The following ZSWIM3 variants were observed in gnomAD, a reference collection of about 807,000 sequenced individuals.
The protein encoded by ZSWIM3 is zinc finger SWIM domain-containing protein 3.
In ZSWIM3, 27 loss-of-function variants were observed where a neutral mutation model predicts 47.5. The ratio of observed to expected loss-of-function variants is 0.57; its 90% CI spans 0.42 to 0.78. The LOEUF (loss-of-function observed/expected upper bound fraction) is 0.78. ZSWIM3 is among the 30% of genes least tolerant of loss of function. The pLI is 0.00. For synonymous variants in ZSWIM3, 333 were observed against 333.9 expected, an observed-to-expected ratio of 1.00 and a Z score of 0.03; for missense variants, 689 against 861.3, an observed-to-expected ratio of 0.80 and a Z score of 2.50.
chr20:45,862,785 C>T (rs1005130580), intron 1 of ZSWIM3, among the ~76,000 whole-genome samples: 4 of 152,142 alleles, frequency 2.6e-5, no homozygotes, highest in African/African-American at 9.6e-5. Context: ...AGGTGCCACG[C>T]CCAGCCTATG....
chr20:45,878,690 TG>T lies in ZSWIM3; in HGVS notation c.*43del, dbSNP rs755702944. The stretch of plus-strand genomic sequence containing the variant: ...GCATTGGACCACAAACACTTCTCCT[TG>T]GAAGTGTGAGAGTTTAAAGTGGGCA... On this transcript the variant is annotated 3_prime_UTR_variant, in exon 2 of 2. Coordinates refer to ENST00000255152, the MANE Select transcript of ZSWIM3 (RefSeq NM_080752.4). 5 of 1,563,864 alleles carry T rather than the reference TG, an allele frequency of 3.2e-6. No individual in the cohort carries two copies. The South Asian group carries it at 4.8e-5, about 15-fold the overall frequency.
At chr20:45,858,013 G>T in intron 1 of ZSWIM3, 33 bp downstream of exon 1, 2 of 1,524,336 alleles carry the variant, frequency 1.3e-6, no homozygotes, top group South Asian at 1.2e-5. Flanking sequence ...GGGCCAAGAG[G>T]GTGGGGAGGA....
At chr20:45,860,742 G>A (rs752918496) in intron 1 of ZSWIM3, among the ~76,000 whole-genome samples, 9 of 152,206 alleles carry the variant, frequency 5.9e-5, no homozygotes, top group Non-Finnish European at 8.8e-5. Context: ...GGCCCACCCA[G>A]ATAATCCCAG....
At position 45,877,496 on chromosome 20, in the gene ZSWIM3, T is replaced by A; in HGVS notation, c.938T>A (p.Leu313His). ...CTTTCCATCTACCACACAACCCGAC[T>A]CTTGGAGAAGAAGTTGCATCGTAGT... The part of the protein sequence containing the change: ...ILLSIYHTTR[L>H]LEKKLHRSSA... The change falls in exon 2 of 2, where the codon CTC becomes CAC. Residue 313 changes from leucine to histidine, a missense_variant. Leu to His is a moderately conservative substitution (Grantham distance 99, BLOSUM62 -3). Coordinates refer to ENST00000255152, the MANE Select transcript of ZSWIM3 (RefSeq NM_080752.4). 6.2e-7 allele frequency: 1 copy of A among 1,614,142 alleles called. No individual in the cohort carries two copies. Among genetic ancestry groups the A allele is most frequent in the African/African-American group, 1.3e-5 (1 of 75,026 alleles).
At chr20:45,873,200 A>C (rs1340011052) in intron 1 of ZSWIM3, among the ~76,000 whole-genome samples, 1 of 152,108 alleles carries the variant, frequency 6.6e-6, no homozygotes, top group African/African-American at 2.4e-5. Context: ...TCAGGAGTTC[A>C]AGACCAGCCT....
At chr20:45,866,901 G>A (rs1985856601) in intron 1 of ZSWIM3, among the ~76,000 whole-genome samples, 1 of 151,938 alleles carries the variant, frequency 6.6e-6, no homozygotes, top group African/African-American at 2.4e-5. Context: ...GTAGTAGAAA[G>A]TGGTAGTTAT....
At chr20:45,861,426 TAAA>T (rs11475720) in intron 1 of ZSWIM3, among the ~76,000 whole-genome samples, 44 of 134,716 alleles carry the variant, frequency 3.3e-4, no homozygotes, top group Admixed American at 4.4e-4. Flanking sequence ...ATCCTGTCTC[TAAA>T]AAAAAAAAAA....
rs574631379 is a variant in ZSWIM3 at position 45,858,154 on chromosome 20, G to A, written c.155+174G>A. On this transcript the variant is annotated intron_variant, in intron 1 of 1. Transcript: ENST00000255152. The stretch of plus-strand genomic sequence containing the variant: ...CTTGTGAAGAGAGCTAAGCCTCCAC[G>A]GCCATTGGTTTTTGACCACCCACTC... Among the ~76,000 whole-genome samples, 11 of 152,280 alleles carry A rather than the reference G, an allele frequency of 7.2e-5. No individual in the cohort carries two copies. In the East Asian group the frequency reaches 1.9e-3, roughly 27 times the overall value.
chr20:45,862,348 A>T (rs1416638591), intron 1 of ZSWIM3, among the ~76,000 whole-genome samples: 1 of 151,396 alleles, frequency 6.6e-6, no homozygotes, highest in Non-Finnish European at 1.5e-5. Context: ...GGGTTTCACC[A>T]TGTTTGCGAG....
rs1433466092 is a variant in ZSWIM3, at chr20:45,877,161, C to G, written c.603C>G (p.Asp201Glu). 1 of 1,614,002 alleles carries G rather than the reference C, an allele frequency of 6.2e-7. No homozygotes were observed. Among genetic ancestry groups the G allele is most frequent in the Non-Finnish European group, 8.5e-7 (1 of 1,180,038 alleles). ...GTGTGGGTGACAGCCAGCACCTGGACCGGCTCAGCTTCCAGAGCAGTAAGA... is the reference window on the plus strand; with the variant it reads ...GTGTGGGTGACAGCCAGCACCTGGAGCGGCTCAGCTTCCAGAGCAGTAAGA... ...SFSVGDSQHL[D>E]RLSFQSSKMT... The change falls in exon 2 of 2, where the codon GAC (aspartate) becomes GAG (glutamate). Residue 201 changes from aspartate (D) to glutamate (E), a missense_variant. Coordinates refer to ENST00000255152, the MANE Select transcript of ZSWIM3 (RefSeq NM_080752.4).
At position 45,877,102 on chromosome 20, in the gene ZSWIM3, C is replaced by G; in HGVS notation, c.544C>G (p.Leu182Val). The G allele has an allele frequency of 6.2e-7, 1 of 1,614,218 alleles. No homozygotes were observed. Among genetic ancestry groups the G allele is most frequent in the Non-Finnish European group, 8.5e-7 (1 of 1,180,050 alleles). Residue 182 changes from leucine to valine, a missense_variant, in exon 2 of 2, where the codon CTT (leucine) becomes GTT (valine). Transcript: ENST00000255152. ...GATAGCAAAAGTGATGAAGAACTTT[C>G]TTAAGGTAGATGAGGGTTCCATGGC... ...AKIAKVMKNF[L>V]KVDEGSMASF... is the part of the protein sequence containing the mutation.
chr20:45,877,389 C>T lies in ZSWIM3; in HGVS notation c.831C>T (p.Pro277=). 2 of 1,614,156 alleles carry T rather than the reference C, an allele frequency of 1.2e-6. No homozygotes were observed. Among genetic ancestry groups the T allele is most frequent in the Non-Finnish European group, 1.7e-6 (2 of 1,180,034 alleles). Residue 277 remains proline (P), a synonymous_variant, in exon 2 of 2, where the codon CCC becomes CCT. Transcript: ENST00000255152. ...SIFTEFNSDW[P]KVKVVFVDPS... ...TCACAGAGTTCAACTCCGATTGGCC[C>T]AAGGTCAAGGTGGTCTTTGTGGACC...
Position 45,863,197 on chromosome 20 carries a change from TTTTG to T in ZSWIM3, c.155+5225_155+5228del, listed in dbSNP as rs1189507649. On this transcript the variant is annotated intron_variant, in intron 1 of 1. Transcript: ENST00000255152. The stretch of plus-strand genomic sequence containing the variant: ...TTTTTTTTTGTTTGTTTGTTTGTTT[TTTTG>T]TTTGTTTTTTGCAGTTGTTAACTAA... 4.6e-5 allele frequency among the ~76,000 whole-genome samples: 7 copies of T among 151,874 alleles called. No individual in the cohort carries two copies. In the East Asian group the frequency reaches 1.2e-3, roughly 25 times the overall value.
chr20:45,870,255 G>A (rs1463291002), intron 1 of ZSWIM3, among the ~76,000 whole-genome samples: 1 of 151,654 alleles, frequency 6.6e-6, no homozygotes, highest in Non-Finnish European at 1.5e-5. Flanking sequence ...CAGGAGAATC[G>A]CTTGAACCCG....
At chr20:45,864,697 C>T (rs1985792874) in intron 1 of ZSWIM3, among the ~76,000 whole-genome samples, 1 of 151,524 alleles carries the variant, frequency 6.6e-6, no homozygotes, top group Non-Finnish European at 1.5e-5. Context: ...ACCAACTCTA[C>T]TAAAAATACA....
At chr20:45,865,491 A>G (rs936198997) in intron 1 of ZSWIM3, among the ~76,000 whole-genome samples, 1 of 113,342 alleles carries the variant, frequency 8.8e-6, no homozygotes, top group African/African-American at 2.6e-5. Context: ...CCATTTCAAA[A>G]AATAAAAAGA....
At chr20:45,873,762 C>T (rs1456762555) in intron 1 of ZSWIM3, among the ~76,000 whole-genome samples, 1 of 152,134 alleles carries the variant, frequency 6.6e-6, no homozygotes, top group Admixed American at 6.6e-5. Context: ...CAGTCAGCCT[C>T]CAGTGTCCCC....
intron 1 of ZSWIM3, among the ~76,000 whole-genome samples, chr20:45,863,855 A>C (rs892376185): frequency 7.2e-4 from 109 of 152,088 alleles, no homozygotes; most frequent in African/African-American, 2.5e-3. Context: ...AAAATTAGCC[A>C]GGCATGGTGG....
In ZSWIM3 at chr20:45,877,973, C is replaced by T; in HGVS notation, c.1415C>T (p.Thr472Ile). The change falls in exon 2 of 2, where the codon ACC (threonine) becomes ATC (isoleucine). Residue 472 changes from threonine (T) to isoleucine (I), a missense_variant. Thr to Ile is a moderately conservative substitution (Grantham distance 89). Coordinates refer to ENST00000255152, the MANE Select transcript of ZSWIM3 (RefSeq NM_080752.4). Reference sequence around the variant, plus strand: ...CTTACCAGCCTCCCTGCAGAAGAGACCAAGCCAGACGCACAGCAGGTACAG... The same window carrying T: ...CTTACCAGCCTCCCTGCAGAAGAGATCAAGCCAGACGCACAGCAGGTACAG... ...ESLTSLPAEE[T>I]KPDAQQVQVQ... 1.2e-6 allele frequency: 2 copies of T among 1,614,092 alleles called. No individual in the cohort carries two copies. The highest frequency in any genetic ancestry group is 1.7e-6 in the Non-Finnish European group (2 of 1,180,026).
Sources: gnomAD v4.1 joint callset for allele counts (sites outside exome capture counted in the v4.1 genomes callset) on GRCh38, gnomAD v4.1.1 for gene constraint, MANE v1.5 for transcripts, NCBI Gene and HGNC (gene_info 2026-07-23, HGNC 2026-07-21) for gene names.